Variants in UTP20 observed in about 807,000 individuals in gnomAD.
UTP20 encodes the protein small subunit processome component 20 homolog.
UTP20 carries 164 observed loss-of-function variants against 329.5 expected under a neutral mutation model. The ratio of observed to expected loss-of-function variants is 0.50; its 90% CI spans 0.44 to 0.57. UTP20 has a LOEUF of 0.57. Among genes scored for constraint, UTP20 ranks in the 20% least tolerant of loss-of-function variants. The pLI is 0.00. For synonymous variants in UTP20, 1,151 were observed against 1,159.3 expected (o/e 0.99, Z 0.14); for missense variants, 3,055 against 3,284.2 (o/e 0.93, Z 1.71).
chr12:101,292,263 C>T (rs768746856), intron 10 of UTP20, among the ~76,000 whole-genome samples, 159 bp downstream of exon 10: 2 of 151,994 alleles, frequency 1.3e-5, no homozygotes, highest in Non-Finnish European at 2.9e-5. Context: ...TGTAAATAAA[C>T]AAAATAAAGT....
At chr12:101,290,586 C>A in intron 7 of UTP20, 147 bp from the exon 8 acceptor site, 1 of 844,172 alleles carries the variant, frequency 1.2e-6, no homozygotes, top group Non-Finnish European at 1.7e-6. Context: ...CCTTTTGGGA[C>A]ACGTTATTAA....
intron 12 of UTP20, among the ~76,000 whole-genome samples, chr12:101,297,501 A>G (rs1872394689): frequency 6.6e-6 from 1 of 152,228 alleles, no homozygotes. Flanking sequence ...AGGTTGAGCC[A>G]CTGTGTTTAG....
rs141629518 is a variant in UTP20, at chr12:101,369,850, G to A, written c.6514G>A (p.Ala2172Thr). The A allele has an allele frequency of 5.0e-6, 8 of 1,613,972 alleles. No individual in the cohort carries two copies. Among genetic ancestry groups the A allele is most frequent in the Middle Eastern group, 1.7e-4 (1 of 6,050 alleles). Residue 2172 changes from alanine to threonine, a missense_variant, in exon 49 of 62, where the codon GCC (alanine) becomes ACC (threonine). Physicochemically the swap from Ala to Thr is moderately conservative, Grantham distance 58 (BLOSUM62 0). This residue lies in a region of UTP20 where 2,445 missense variants were observed against 2,575.5 expected (regional missense o/e 0.95). Coordinates refer to ENST00000261637, the MANE Select transcript of UTP20 (RefSeq NM_014503.3). ...LLKDYAKLGA[A>T]RGQNFHLVVN... is the part of the protein sequence containing the mutation. The stretch of plus-strand genomic sequence containing the variant: ...GAAGGACTATGCAAAGCTCGGGGCC[G>A]CCAGGGGCCAGAACTTCCACCTTGT...
intron 2 of UTP20, among the ~76,000 whole-genome samples, chr12:101,281,457 G>A (rs1214269254): frequency 6.6e-6 from 1 of 152,128 alleles, no homozygotes; most frequent in Non-Finnish European, 1.5e-5. Flanking sequence ...GTTCTGTTGG[G>A]TGAAGCTCTA....
intron 29 of UTP20, among the ~76,000 whole-genome samples, chr12:101,336,351 A>G (rs1868934867): frequency 6.6e-6 from 1 of 152,222 alleles, no homozygotes; most frequent in African/African-American, 2.4e-5. Context: ...ATCAGAAATT[A>G]AAACAGATTT....
intron 38 of UTP20, among the ~76,000 whole-genome samples, chr12:101,347,322 A>C (rs1290792131): frequency 1.3e-5 from 2 of 152,124 alleles, no homozygotes; most frequent in Non-Finnish European, 2.9e-5. Context: ...CAGGAGTTTG[A>C]GACCAGCCTG....
At position 101,299,671 on chromosome 12, in the gene UTP20, T is replaced by A. The variant is rs1872462533; in HGVS notation, c.1431-11T>A. On this transcript the variant is annotated splice_polypyrimidine_tract_variant and intron_variant, in intron 12 of 61. Coordinates refer to ENST00000261637, the MANE Select transcript of UTP20 (RefSeq NM_014503.3). ...TCTCTGTTATTTTAAACATTTTTTT[T>A]AATCCTTCAGATTCTATATAAAGCA... 1.6e-5 allele frequency: 25 copies of A among 1,557,206 alleles called. No individual in the cohort carries two copies. The highest frequency in any genetic ancestry group is 2.0e-5 in the Non-Finnish European group (23 of 1,157,410).
chr12:101,333,691 A>C (rs992958660), intron 28 of UTP20, among the ~76,000 whole-genome samples: 21 of 137,290 alleles, frequency 1.5e-4, no homozygotes, highest in Middle Eastern at 3.4e-3. Flanking sequence ...GTGTCTCTTA[A>C]GCAACTGTAA....
chr12:101,342,754 C>T (rs1185931913), intron 33 of UTP20, 33 bp from the exon 34 acceptor site: 2 of 1,597,678 alleles, frequency 1.3e-6, no homozygotes, highest in African/African-American at 1.3e-5. Flanking sequence ...AAGTTTTATT[C>T]ACTGATAAAT....
chr12:101,357,204 A>C, intron 43 of UTP20, 122 bp downstream of exon 43: 1 of 867,106 alleles, frequency 1.2e-6, no homozygotes, highest in Non-Finnish European at 1.7e-6. Flanking sequence ...CACTCTGAGC[A>C]GTAATATTCA....
chr12:101,300,047 G>A lies in UTP20; in HGVS notation c.1661G>A (p.Gly554Glu), dbSNP rs376003744. The stretch of plus-strand genomic sequence containing the variant: ...GCACTCTTCATGACTGTTGACAAAG[G>A]AAGCTTTGGGAAAGGTCAGTTACAA... ...IEALFMTVDK[G>E]SFGKGNLFVL... Residue 554 changes from glycine (G) to glutamate (E), a missense_variant, in exon 14 of 62, where the codon GGA (glycine) becomes GAA (glutamate). Physicochemically the swap from Gly to Glu is moderately conservative, Grantham distance 98. Coordinates refer to ENST00000261637, the MANE Select transcript of UTP20 (RefSeq NM_014503.3). 1.8e-5 allele frequency: 29 copies of A among 1,614,132 alleles called. No homozygotes were observed. In the East Asian group the frequency reaches 2.0e-4, roughly 11 times the overall value.
chr12:101,310,117 GT>G (rs1872740227), intron 19 of UTP20, among the ~76,000 whole-genome samples: 2 of 152,162 alleles, frequency 1.3e-5, no homozygotes, highest in African/African-American at 4.8e-5. Context: ...ATACTTTTGT[GT>G]TATTAAAATT....
chr12:101,286,753 A>G (rs1341657407), intron 5 of UTP20, among the ~76,000 whole-genome samples: 1 of 151,918 alleles, frequency 6.6e-6, no homozygotes, highest in Non-Finnish European at 1.5e-5. Context: ...AGCCTCCACA[A>G]ACAGGCACCT....
At chr12:101,324,794 G>A (rs552555854) in intron 25 of UTP20, among the ~76,000 whole-genome samples, 1 of 152,132 alleles carries the variant, frequency 6.6e-6, no homozygotes, top group Admixed American at 6.5e-5. Flanking sequence ...CTTTTGATTT[G>A]AGGAGAAGTT....
At chr12:101,382,868 A>AG (rs368419587) in intron 58 of UTP20, among the ~76,000 whole-genome samples, 173 bp from the exon 59 acceptor site, 26,541 of 149,828 alleles carry the variant, frequency 0.18, 2,814 homozygotes, top group Non-Finnish European at 0.24. Context: ...AAAAAAAAAA[A>AG]GGAATATCTA....
intron 8 of UTP20, 110 bp downstream of exon 8, chr12:101,290,998 A>G: frequency 8.3e-7 from 1 of 1,204,014 alleles, no homozygotes; most frequent in East Asian, 2.6e-5. Flanking sequence ...TAATTGTTTT[A>G]TTTATACTTC....
At chr12:101,302,314 G>T in intron 14 of UTP20, 134 bp from the exon 15 acceptor site, 1 of 615,912 alleles carries the variant, frequency 1.6e-6, no homozygotes, top group South Asian at 2.0e-5. Flanking sequence ...ATGTTTGACA[G>T]ACAATTCTTT....
chr12:101,329,115 C>G (rs1868667389), intron 26 of UTP20, 126 bp from the exon 27 acceptor site: 8 of 813,396 alleles, frequency 9.8e-6, no homozygotes, highest in Non-Finnish European at 1.5e-5. Context: ...GCATTGTCAT[C>G]TATAAATTAC....
chr12:101,302,355 C>A, intron 14 of UTP20, 93 bp from the exon 15 acceptor site: 1 of 727,118 alleles, frequency 1.4e-6, no homozygotes, highest in Non-Finnish European at 2.3e-6. Flanking sequence ...AAGAACTTCC[C>A]ATAAGTAGCA....
Sources: gnomAD v4.1 joint callset for allele counts (sites outside exome capture counted in the v4.1 genomes callset) on GRCh38, gnomAD v4.1.1 for gene constraint, gnomAD v4.1.1 regional missense constraint, MANE v1.5 for transcripts, NCBI Gene and HGNC (gene_info 2026-07-23, HGNC 2026-07-21) for gene names.